KCNIP4: variants seen among roughly 807,000 people sequenced by gnomAD.
KCNIP4 encodes Kv channel-interacting protein 4.
In KCNIP4, 12 loss-of-function variants were observed where a neutral mutation model predicts 34.0. The ratio of observed to expected loss-of-function variants is 0.35; its 90% CI spans 0.23 to 0.57. The LOEUF (loss-of-function observed/expected upper bound fraction) is 0.57, where lower values mean the gene tolerates loss of function less well. Among genes scored for constraint, KCNIP4 ranks in the 20% least tolerant of loss-of-function variants. KCNIP4 has a pLI of 0.83. For synonymous variants in KCNIP4, 124 were observed against 102.2 expected, an observed-to-expected ratio of 1.21 and a Z score of -1.29; for missense variants, 238 against 311.7, an observed-to-expected ratio of 0.76 and a Z score of 1.78.
chr4:20,996,604 A>C (rs1560631961), intron 1 of KCNIP4, among the ~76,000 whole-genome samples: 1 of 151,864 alleles, frequency 6.6e-6, no homozygotes, highest in Non-Finnish European at 1.5e-5. Context: ...CTTTCTTGCC[A>C]CTCACTTCTA....
chr4:21,380,691 T>C (rs1721423283), intron 1 of KCNIP4, among the ~76,000 whole-genome samples: 1 of 152,120 alleles, frequency 6.6e-6, no homozygotes, highest in African/African-American at 2.4e-5. Flanking sequence ...TCTGAAGCCA[T>C]AATCATATTT....
chr4:21,019,801 A>G (rs1739882122), intron 1 of KCNIP4, among the ~76,000 whole-genome samples: 1 of 152,192 alleles, frequency 6.6e-6, no homozygotes, highest in Admixed American at 6.5e-5. Context: ...GGGTTCTATT[A>G]TTCGCAGTAT....
At chr4:21,696,500 C>A (rs980574423) in intron 1 of KCNIP4, among the ~76,000 whole-genome samples, 3 of 152,084 alleles carry the variant, frequency 2.0e-5, no homozygotes. Flanking sequence ...CACAACAGTT[C>A]TTTATGACCA....
intron 1 of KCNIP4, among the ~76,000 whole-genome samples, chr4:21,151,104 T>G (rs2109244973): frequency 6.6e-6 from 1 of 152,262 alleles, no homozygotes; most frequent in South Asian, 2.1e-4. Flanking sequence ...ATTAATAATG[T>G]TTGCCAAAGG....
intron 2 of KCNIP4, among the ~76,000 whole-genome samples, chr4:20,866,484 AC>A (rs2149503313): frequency 6.6e-6 from 1 of 152,204 alleles, no homozygotes; most frequent in African/African-American, 2.4e-5. Context: ...CCCTTACCAG[AC>A]TAGGCATCTA....
chr4:21,074,002 G>C (rs1369257382), intron 1 of KCNIP4, among the ~76,000 whole-genome samples: 1 of 152,100 alleles, frequency 6.6e-6, no homozygotes, highest in Non-Finnish European at 1.5e-5. Context: ...TGATCATGGT[G>C]GATAAGCTTT....
At chr4:21,907,803 T>A (rs1728084066) in intron 1 of KCNIP4, among the ~76,000 whole-genome samples, 1 of 152,214 alleles carries the variant, frequency 6.6e-6, no homozygotes, top group South Asian at 2.1e-4. Context: ...TAATAATGTT[T>A]TATAAATGTT....
At chr4:21,784,180 T>C (rs1489818145) in intron 1 of KCNIP4, among the ~76,000 whole-genome samples, 2 of 151,906 alleles carry the variant, frequency 1.3e-5, no homozygotes, top group Non-Finnish European at 2.9e-5. Context: ...AACAGCTAGA[T>C]CTCGTGAGAA....
intron 1 of KCNIP4, among the ~76,000 whole-genome samples, chr4:20,895,517 T>C (rs762314740): frequency 2.6e-5 from 4 of 152,190 alleles, no homozygotes; most frequent in African/African-American, 4.8e-5. Flanking sequence ...CCAGAAGAAA[T>C]AACATATAAT....
intron 1 of KCNIP4, among the ~76,000 whole-genome samples, chr4:21,818,032 C>G (rs1046922234): frequency 6.6e-6 from 1 of 152,034 alleles, no homozygotes; most frequent in Non-Finnish European, 1.5e-5. Flanking sequence ...ATCTTTGTAC[C>G]TACTCCCTGT....
At chr4:21,018,297 C>T (rs2149743448) in intron 1 of KCNIP4, among the ~76,000 whole-genome samples, 1 of 152,284 alleles carries the variant, frequency 6.6e-6, no homozygotes, top group African/African-American at 2.4e-5. Context: ...GATATACTTG[C>T]TGCTTCTGAG....
At chr4:21,302,959 A>G (rs1014464204) in intron 1 of KCNIP4, among the ~76,000 whole-genome samples, 1 of 152,276 alleles carries the variant, frequency 6.6e-6, no homozygotes, top group Middle Eastern at 3.4e-3. Flanking sequence ...AACATCATCT[A>G]GAGCTTCTTT....
At chr4:21,040,403 AC>A (rs570432350) in intron 1 of KCNIP4, among the ~76,000 whole-genome samples, 142 of 152,314 alleles carry the variant, frequency 9.3e-4, no homozygotes, top group African/African-American at 3.3e-3. Context: ...CTTAAGGTGA[AC>A]AAGGTTACAG....
intron 1 of KCNIP4, among the ~76,000 whole-genome samples, chr4:21,645,691 C>A (rs912409048): frequency 2.0e-5 from 3 of 152,088 alleles, no homozygotes; most frequent in African/African-American, 7.2e-5. Context: ...CTGAACCAAG[C>A]CCCAAACCTA....
At chr4:20,841,581 C>T (rs973523033) in intron 3 of KCNIP4, among the ~76,000 whole-genome samples, 1 of 152,018 alleles carries the variant, frequency 6.6e-6, no homozygotes, top group African/African-American at 2.4e-5. Flanking sequence ...CAACCTCCAC[C>T]ACATATCCAA....
At chr4:21,755,854 C>G (rs1335021222) in intron 1 of KCNIP4, among the ~76,000 whole-genome samples, 1 of 152,156 alleles carries the variant, frequency 6.6e-6, no homozygotes, top group Non-Finnish European at 1.5e-5. Flanking sequence ...TAGTTTGTCA[C>G]AATTTCTATA....
chr4:21,140,160 GT>G (rs1440221538), intron 1 of KCNIP4, among the ~76,000 whole-genome samples: 1 of 152,130 alleles, frequency 6.6e-6, no homozygotes, highest in Non-Finnish European at 1.5e-5. Context: ...GGCAGCTACA[GT>G]ATAGATTGCC....
intron 1 of KCNIP4, among the ~76,000 whole-genome samples, chr4:21,570,471 T>G (rs945169543): frequency 6.6e-6 from 1 of 152,140 alleles, no homozygotes; most frequent in Non-Finnish European, 1.5e-5. Context: ...AATAGCTGTT[T>G]GTAGACTATT....
intron 1 of KCNIP4, among the ~76,000 whole-genome samples, chr4:21,517,643 C>A (rs1003989430): frequency 6.6e-6 from 1 of 152,096 alleles, no homozygotes; most frequent in African/African-American, 2.4e-5. Flanking sequence ...GCCTACACTC[C>A]TTCAGGGTTA....
Sources: gnomAD v4.1 joint callset for allele counts (sites outside exome capture counted in the v4.1 genomes callset) on GRCh38, gnomAD v4.1.1 for gene constraint, MANE v1.5 for transcripts, NCBI Gene and HGNC (gene_info 2026-07-23, HGNC 2026-07-21) for gene names.